The following LUZP2 variants were observed in gnomAD, a reference collection of about 807,000 sequenced individuals.
LUZP2 encodes leucine zipper protein 2.
LUZP2 carries 52 observed loss-of-function variants against 51.6 expected under a neutral mutation model. The ratio of observed to expected loss-of-function variants is 1.01; its 90% CI spans 0.81 to 1.27. The LOEUF is 1.27. Among genes scored for constraint, LUZP2 ranks in the 50% most tolerant of loss-of-function variants. LUZP2 has a pLI of 0.00. For missense variants in LUZP2, 436 were observed against 395.4 expected (o/e 1.10, Z -0.87); for synonymous variants, 154 against 137.3 (o/e 1.12, Z -0.85).
At chr11:25,063,890 C>A (rs1370095280) in intron 10 of LUZP2, among the ~76,000 whole-genome samples, 1 of 151,740 alleles carries the variant, frequency 6.6e-6, no homozygotes, top group South Asian at 2.1e-4. Context: ...AAATGGTAAA[C>A]ATGAAGAATA....
At chr11:24,603,649 T>C (rs142972483) in intron 1 of LUZP2, among the ~76,000 whole-genome samples, 1 of 151,984 alleles carries the variant, frequency 6.6e-6, no homozygotes, top group Non-Finnish European at 1.5e-5. Flanking sequence ...TATGTAAATA[T>C]GCATTGTTGT....
Position 24,696,336 on chromosome 11 carries a change from A to G in LUZP2, c.63-32833A>G, listed in dbSNP as rs896950468. ...AGACAAACAAAAAGGGTTACTGTAA[A>G]CTCATTAAACAAAGATTTATGCTTA... On this transcript the variant is annotated intron_variant, in intron 1 of 11. Transcript: ENST00000336930. 3.3e-5 allele frequency among the ~76,000 whole-genome samples: 5 copies of G among 152,092 alleles called. 1 individual carries two copies. The highest frequency in any genetic ancestry group is 3.8e-4 in the East Asian group (2 of 5,198).
chr11:24,652,762 C>T lies in LUZP2; in HGVS notation c.63-76407C>T, dbSNP rs140849094. 5.3e-3 allele frequency among the ~76,000 whole-genome samples: 801 copies of T among 151,858 alleles called. 6 individuals are homozygous for T. Among genetic ancestry groups the T allele is most frequent in the Non-Finnish European group, 9.4e-3 (641 of 67,954 alleles). The stretch of plus-strand genomic sequence containing the variant: ...TCACATTTATTCCTATATAATAAAT[C>T]GTAGTAAATATTTATGTTTTGAATG... On this transcript the variant is annotated intron_variant, in intron 1 of 11. Coordinates refer to ENST00000336930, the MANE Select transcript of LUZP2 (RefSeq NM_001009909.4).
chr11:24,639,540 C>T (rs968786097), intron 1 of LUZP2, among the ~76,000 whole-genome samples: 1 of 151,762 alleles, frequency 6.6e-6, no homozygotes, highest in Non-Finnish European at 1.5e-5. Context: ...CAACCTCCGC[C>T]TCCTGGGTTC....
intron 9 of LUZP2, among the ~76,000 whole-genome samples, chr11:25,032,937 T>G (rs1857733783): frequency 6.6e-6 from 1 of 152,196 alleles, no homozygotes; most frequent in African/African-American, 2.4e-5. Flanking sequence ...GCTATTCAAC[T>G]TTTAGGGAAT....
At chr11:24,936,996 T>C (rs1854604000) in intron 7 of LUZP2, among the ~76,000 whole-genome samples, 2 of 152,040 alleles carry the variant, frequency 1.3e-5, no homozygotes, top group South Asian at 4.1e-4. Flanking sequence ...GAAAACTGCT[T>C]TTGTATTTTT....
At chr11:24,739,959 A>T (rs1051202192) in intron 4 of LUZP2, among the ~76,000 whole-genome samples, 2 of 152,102 alleles carry the variant, frequency 1.3e-5, no homozygotes, top group Non-Finnish European at 2.9e-5. Context: ...AAAAGAATAG[A>T]CATATTTTTA....
chr11:24,820,389 C>T (rs1234127592), intron 5 of LUZP2, among the ~76,000 whole-genome samples: 1 of 152,056 alleles, frequency 6.6e-6, no homozygotes, highest in Non-Finnish European at 1.5e-5. Context: ...TGGGGAAAGA[C>T]ACCGGTTCAA....
At chr11:25,054,802 T>C (rs895647332) in intron 10 of LUZP2, among the ~76,000 whole-genome samples, 2 of 152,114 alleles carry the variant, frequency 1.3e-5, no homozygotes, top group African/African-American at 4.8e-5. Flanking sequence ...CAGGTATCCT[T>C]GGTTACTGTA....
At chr11:24,988,240 A>G (rs1856241551) in intron 9 of LUZP2, among the ~76,000 whole-genome samples, 1 of 151,990 alleles carries the variant, frequency 6.6e-6, no homozygotes, top group East Asian at 1.9e-4. Context: ...GAGGGAGGTG[A>G]GATCTCACAG....
At chr11:24,991,353 T>C (rs1482839397) in intron 9 of LUZP2, among the ~76,000 whole-genome samples, 1 of 138,136 alleles carries the variant, frequency 7.2e-6, no homozygotes, top group Non-Finnish European at 1.5e-5. Flanking sequence ...TGTGTGTGTA[T>C]ATATATATGT....
chr11:24,671,181 A>G (rs998323462), intron 1 of LUZP2, among the ~76,000 whole-genome samples: 1 of 151,932 alleles, frequency 6.6e-6, no homozygotes, highest in Non-Finnish European at 1.5e-5. Flanking sequence ...CCAAGAAAAA[A>G]TTGGTATTTG....
chr11:24,908,758 CTTT>C (rs34476662), intron 6 of LUZP2, among the ~76,000 whole-genome samples: 5 of 137,588 alleles, frequency 3.6e-5, no homozygotes, highest in African/African-American at 5.3e-5. Context: ...TGTTTTTTTT[CTTT>C]TTTTTTTTTT....
At chr11:24,581,645 TG>T (rs1852859286) in intron 1 of LUZP2, among the ~76,000 whole-genome samples, 1 of 151,568 alleles carries the variant, frequency 6.6e-6, no homozygotes, top group African/African-American at 2.4e-5. Context: ...CACTCCAGCC[TG>T]GGTGACAGAG....
chr11:24,860,692 C>T (rs1054551348), intron 5 of LUZP2, among the ~76,000 whole-genome samples: 1 of 152,084 alleles, frequency 6.6e-6, no homozygotes, highest in Non-Finnish European at 1.5e-5. Flanking sequence ...CAAATTGCAG[C>T]AGCCTATACA....
chr11:24,726,410 A>G (rs545952705), intron 1 of LUZP2, among the ~76,000 whole-genome samples: 1 of 152,122 alleles, frequency 6.6e-6, no homozygotes, highest in African/African-American at 2.4e-5. Flanking sequence ...AAACTAACAC[A>G]AAATATCTCA....
intron 1 of LUZP2, among the ~76,000 whole-genome samples, chr11:24,616,474 C>CGTGT (rs1565031299): frequency 1.9e-5 from 1 of 52,782 alleles, no homozygotes; most frequent in Non-Finnish European, 4.2e-5. Context: ...TTGGCGTGCG[C>CGTGT]ATGTGTGTGT....
intron 5 of LUZP2, among the ~76,000 whole-genome samples, chr11:24,819,102 C>T (rs1049114535): frequency 5.3e-5 from 8 of 151,716 alleles, no homozygotes; most frequent in South Asian, 2.1e-4. Flanking sequence ...CAGGAGTTGG[C>T]GACTCTGAGA....
At chr11:24,586,346 T>A (rs1224140999) in intron 1 of LUZP2, among the ~76,000 whole-genome samples, 3 of 152,122 alleles carry the variant, frequency 2.0e-5, no homozygotes, top group African/African-American at 7.2e-5. Flanking sequence ...TTTTGTTGTG[T>A]TTTTTAGAGT....
Sources: allele counts gnomAD v4.1 joint callset (sites outside exome capture counted in the v4.1 genomes callset), GRCh38; gene constraint gnomAD v4.1.1; transcripts MANE v1.5; gene names NCBI Gene and HGNC (gene_info 2026-07-23, HGNC 2026-07-21).